SPOCK3: variants seen among roughly 807,000 people sequenced by gnomAD.
SPOCK3 encodes the protein testican-3.
Under a neutral mutation model 56.6 loss-of-function variants are expected in SPOCK3, and 30 were observed. That is an observed-to-expected ratio of 0.53 (90% confidence interval 0.40 to 0.72). The LOEUF (loss-of-function observed/expected upper bound fraction) is 0.72. Ranked by LOEUF, SPOCK3 falls within the 30% of genes least tolerant of loss-of-function variation. The probability of loss-of-function intolerance (pLI) is 0.00; values close to 1 mark genes in which losing one functional copy is unlikely to be tolerated. For missense variants in SPOCK3, 527 were observed against 530.0 expected, an observed-to-expected ratio of 0.99 and a Z score of 0.06; for synonymous variants, 196 against 183.3, an observed-to-expected ratio of 1.07 and a Z score of -0.56.
intron 2 of SPOCK3, among the ~76,000 whole-genome samples, chr4:167,207,397 C>A (rs1371554352): frequency 6.6e-6 from 1 of 151,660 alleles, no homozygotes; most frequent in African/African-American, 2.4e-5. Flanking sequence ...TACTGTCTAA[C>A]TTTCTAATAA....
chr4:166,865,000 A>G (rs1731653556), intron 6 of SPOCK3, among the ~76,000 whole-genome samples: 1 of 152,174 alleles, frequency 6.6e-6, no homozygotes. Flanking sequence ...TTCCAGGCCA[A>G]TATCCCTGAT....
chr4:166,764,253 C>T (rs551565483), intron 7 of SPOCK3, among the ~76,000 whole-genome samples: 1 of 152,182 alleles, frequency 6.6e-6, no homozygotes, highest in East Asian at 1.9e-4. Flanking sequence ...AGGTTTGTTA[C>T]ATATGTATAC....
intron 6 of SPOCK3, among the ~76,000 whole-genome samples, chr4:166,879,794 G>C (rs1733499949): frequency 1.3e-5 from 2 of 152,160 alleles, no homozygotes; most frequent in South Asian, 4.1e-4. Flanking sequence ...AATGTTGGAG[G>C]TGAGATCTGG....
chr4:167,050,688 T>C (rs1754119247), intron 3 of SPOCK3, among the ~76,000 whole-genome samples: 2 of 152,156 alleles, frequency 1.3e-5, no homozygotes, highest in South Asian at 4.1e-4. Context: ...ATGTGGGATA[T>C]ACATACAATA....
At chr4:167,039,516 T>A (rs1395304555) in intron 3 of SPOCK3, among the ~76,000 whole-genome samples, 1 of 152,144 alleles carries the variant, frequency 6.6e-6, no homozygotes, top group Non-Finnish European at 1.5e-5. Context: ...TGTGTATATA[T>A]GTGTGTGTCT....
At chr4:167,027,346 T>C (rs970424797) in intron 3 of SPOCK3, among the ~76,000 whole-genome samples, 3 of 152,070 alleles carry the variant, frequency 2.0e-5, no homozygotes, top group Non-Finnish European at 2.9e-5. Context: ...GACTATGTTG[T>C]CTGGTTCATA....
chr4:167,080,172 T>C (rs1160550211), intron 2 of SPOCK3, among the ~76,000 whole-genome samples: 1 of 152,046 alleles, frequency 6.6e-6, no homozygotes, highest in African/African-American at 2.4e-5. Flanking sequence ...ATGTCCCTAA[T>C]ATTCAACTGC....
At chr4:167,160,799 C>G (rs1426911783) in intron 2 of SPOCK3, among the ~76,000 whole-genome samples, 1 of 152,150 alleles carries the variant, frequency 6.6e-6, no homozygotes, top group African/African-American at 2.4e-5. Flanking sequence ...AAAGGACTCC[C>G]TATTTAATAA....
intron 2 of SPOCK3, among the ~76,000 whole-genome samples, chr4:167,140,120 AC>A (rs1335054947): frequency 8.5e-5 from 13 of 152,204 alleles, no homozygotes; most frequent in African/African-American, 3.1e-4. Context: ...AGCTGAATGC[AC>A]CGGATGGAGC....
chr4:166,773,384 G>T lies in SPOCK3; in HGVS notation c.710-18655C>A, dbSNP rs910379301. Among the ~76,000 whole-genome samples, 4 of 152,022 alleles carry T rather than the reference G, an allele frequency of 2.6e-5. No individual in the cohort carries two copies. The East Asian group carries it at 7.7e-4, about 29-fold the overall frequency. ...TAATTGTTATGAGACTGTAATGAAGGTGTGAAAAAACTGATGCTTTATTTT... is the reference window on the plus strand; with the variant it reads ...TAATTGTTATGAGACTGTAATGAAGTTGTGAAAAAACTGATGCTTTATTTT... On this transcript the variant is annotated intron_variant, in intron 7 of 10. Transcript: ENST00000357545.
At chr4:167,038,662 CCA>C (rs747824932) in intron 3 of SPOCK3, among the ~76,000 whole-genome samples, 1 of 33,982 alleles carries the variant, frequency 2.9e-5, no homozygotes, top group Non-Finnish European at 5.5e-5. Context: ...TTTATTTTTT[CCA>C]AAAAAAAAAA....
At chr4:166,834,307 C>G (rs1028471424) in intron 6 of SPOCK3, among the ~76,000 whole-genome samples, 5 of 152,194 alleles carry the variant, frequency 3.3e-5, no homozygotes, top group African/African-American at 1.2e-4. Context: ...AGCTTCTGAT[C>G]GCTCATAGGT....
At chr4:166,993,500 A>G (rs1251701765) in intron 4 of SPOCK3, among the ~76,000 whole-genome samples, 2 of 152,122 alleles carry the variant, frequency 1.3e-5, no homozygotes, top group East Asian at 1.9e-4. Context: ...CCCTCATGCT[A>G]TTTCTCTTTA....
chr4:166,800,653 T>C (rs964393253), intron 6 of SPOCK3, among the ~76,000 whole-genome samples: 2 of 151,992 alleles, frequency 1.3e-5, no homozygotes, highest in East Asian at 1.9e-4. Flanking sequence ...AAAAGTGAAA[T>C]TTGTGTACAG....
intron 6 of SPOCK3, among the ~76,000 whole-genome samples, chr4:166,849,631 A>AT (rs1748474784): frequency 6.6e-6 from 1 of 152,260 alleles, no homozygotes; most frequent in African/African-American, 2.4e-5. Flanking sequence ...CAGCATCATC[A>AT]TTTTTTATGC....
chr4:166,922,166 C>A (rs752219969), intron 4 of SPOCK3, among the ~76,000 whole-genome samples: 1 of 152,260 alleles, frequency 6.6e-6, no homozygotes, highest in Non-Finnish European at 1.5e-5. Context: ...CATACCCAAA[C>A]CATCTCCCAC....
At chr4:167,062,199 A>C (rs1313178604) in intron 3 of SPOCK3, among the ~76,000 whole-genome samples, 1 of 151,900 alleles carries the variant, frequency 6.6e-6, no homozygotes, top group Non-Finnish European at 1.5e-5. Flanking sequence ...AACTGGATGA[A>C]GTGACTTGTA....
intron 4 of SPOCK3, among the ~76,000 whole-genome samples, chr4:166,986,596 T>G (rs1219533606): frequency 6.6e-6 from 1 of 152,134 alleles, no homozygotes; most frequent in African/African-American, 2.4e-5. Context: ...TCCTGCGATG[T>G]GTATCATCAC....
At chr4:166,858,960 A>T (rs1730961889) in intron 6 of SPOCK3, among the ~76,000 whole-genome samples, 1 of 152,176 alleles carries the variant, frequency 6.6e-6, no homozygotes, top group African/African-American at 2.4e-5. Flanking sequence ...TGGTCCCCTA[A>T]AATTATAGTG....
Sources: gnomAD v4.1 joint callset for allele counts (sites outside exome capture counted in the v4.1 genomes callset) on GRCh38, gnomAD v4.1.1 for gene constraint, MANE v1.5 for transcripts, NCBI Gene and HGNC (gene_info 2026-07-23, HGNC 2026-07-21) for gene names.